Variants in GPLD1 observed in about 807,000 individuals in gnomAD.
The protein encoded by GPLD1 is glycosylphosphatidylinositol specific phospholipase D1.
Under a neutral mutation model 112.6 loss-of-function variants are expected in GPLD1, and 84 were observed. The observed-to-expected ratio is 0.75, with a 90% CI of 0.63 to 0.89. The LOEUF (loss-of-function observed/expected upper bound fraction) is 0.89. Ranked by LOEUF, GPLD1 falls within the 40% of genes least tolerant of loss-of-function variation. The pLI is 0.00. For missense variants in GPLD1, 1,044 were observed against 1,051.5 expected, an observed-to-expected ratio of 0.99 and a Z score of 0.10; for synonymous variants, 386 against 403.8, an observed-to-expected ratio of 0.96 and a Z score of 0.53.
chr6:24,425,301 T>G (rs1244415911), downstream of GPLD1: 4 of 152,222 alleles, frequency 2.6e-5, no homozygotes, highest in East Asian at 5.8e-4. Context: ...TTGATTTGAC[T>G]AAGATCAGGC....
intron 6 of GPLD1, among the ~76,000 whole-genome samples, chr6:24,472,851 C>T (rs1214318069): frequency 6.6e-6 from 1 of 151,734 alleles, no homozygotes; most frequent in Non-Finnish European, 1.5e-5. Context: ...TCTCGGCTCA[C>T]TGAAACCTCC....
chr6:24,467,372 T>C (rs1031134760), intron 7 of GPLD1, 98 bp from the exon 8 acceptor site: 9 of 728,206 alleles, frequency 1.2e-5, no homozygotes, highest in Non-Finnish European at 2.2e-5. Context: ...GATTATTTTG[T>C]GCCAGGCACC....
At position 24,486,067 on chromosome 6, in the gene GPLD1, A is replaced by C. The variant is rs1764364409; in HGVS notation, c.153+8T>G. The C allele has an allele frequency of 6.5e-7, 1 of 1,549,408 alleles. No individual in the cohort carries two copies. On this transcript the variant is annotated splice_region_variant and intron_variant, in intron 2 of 24. Coordinates refer to ENST00000230036, the MANE Select transcript of GPLD1 (RefSeq NM_001503.4). ...CACAAAGAAGAAAAGAAAAATCAAGATTTCTACCTCTCTGTAGTTAACACG... is the reference window on the plus strand; with the variant it reads ...CACAAAGAAGAAAAGAAAAATCAAGCTTTCTACCTCTCTGTAGTTAACACG...
chr6:24,433,934 A>T (rs1436783652), intron 22 of GPLD1, among the ~76,000 whole-genome samples: 11 of 152,230 alleles, frequency 7.2e-5, no homozygotes, highest in Non-Finnish European at 1.6e-4. Context: ...TATTTAAAAC[A>T]ATGAAAATTG....
chr6:24,484,256 G>A (rs1405611325), intron 2 of GPLD1, among the ~76,000 whole-genome samples: 6 of 151,212 alleles, frequency 4.0e-5, no homozygotes, highest in Non-Finnish European at 2.9e-5. Context: ...CTGTCACCTA[G>A]GCTGGAGTGC....
At chr6:24,492,259 C>T (rs558062731), upstream of GPLD1, among the ~76,000 whole-genome samples, 4 of 152,000 alleles carry the variant, frequency 2.6e-5, no homozygotes, top group Admixed American at 6.6e-5. Context: ...AATCCCAGCA[C>T]TTTGGGAGGC....
chr6:24,462,687 G>A (rs764875256), intron 11 of GPLD1, 43 bp downstream of exon 11: 9 of 1,272,882 alleles, frequency 7.1e-6, no homozygotes, highest in Admixed American at 1.7e-5. Context: ...TCTCCTCCAG[G>A]TGAGATGTAC....
chr6:24,460,705 C>T (rs115459827), intron 11 of GPLD1, among the ~76,000 whole-genome samples: 2,332 of 151,328 alleles, frequency 0.015, 31 homozygotes, highest in South Asian at 0.05. Context: ...CAACAGGTAT[C>T]AGCTGGTGGG....
In GPLD1 at chr6:24,468,465, C is replaced by T. The variant is rs114888579; in HGVS notation, c.546-1191G>A. ...TAATTGGAAATTCGGAAGGATGTCT[C>T]ATAGCTACCTATGACCTGGAAGCCT... On this transcript the variant is annotated intron_variant, in intron 7 of 24. Coordinates refer to ENST00000230036, the MANE Select transcript of GPLD1 (RefSeq NM_001503.4). Among the ~76,000 whole-genome samples, 343 of 152,314 alleles carry T rather than the reference C, an allele frequency of 2.3e-3. 4 individuals are homozygous for T. The highest frequency in any genetic ancestry group is 7.1e-3 in the African/African-American group (295 of 41,582).
intron 24 of GPLD1, 61 bp from the exon 25 acceptor site, chr6:24,429,179 T>C: frequency 9.8e-7 from 1 of 1,020,304 alleles, no homozygotes; most frequent in Non-Finnish European, 1.5e-6. Context: ...GTTCCTATGG[T>C]AGTCCAGGCA....
At chr6:24,487,347 C>T (rs1167599853) in intron 1 of GPLD1, among the ~76,000 whole-genome samples, 2 of 145,344 alleles carry the variant, frequency 1.4e-5, no homozygotes, top group African/African-American at 5.3e-5. Context: ...GAGTTTTGGT[C>T]TTCTTCTATG....
chr6:24,464,963 T>G (rs1581765160), intron 10 of GPLD1, among the ~76,000 whole-genome samples: 3 of 147,902 alleles, frequency 2.0e-5, no homozygotes. Context: ...GAGACAGAGG[T>G]GGGTGGATCA....
chr6:24,473,315 A>G, intron 6 of GPLD1: 1 of 214,328 alleles, frequency 4.7e-6, no homozygotes, highest in East Asian at 9.7e-5. Flanking sequence ...AAGTATTAGG[A>G]AAGTAGGAGA....
Position 24,473,609 on chromosome 6 carries a change from T to G in GPLD1, c.490+10A>C. The stretch of plus-strand genomic sequence containing the variant: ...CACGAGAAAATTTAGCAAATGTAAA[T>G]AAACAGTACCAAAATCACCAGCCGA... On this transcript the variant is annotated intron_variant, in intron 6 of 24. Transcript: ENST00000230036. 6.3e-7 allele frequency: 1 copy of G among 1,580,998 alleles called. No individual in the cohort carries two copies. The highest frequency in any genetic ancestry group is 2.2e-5 in the East Asian group (1 of 44,656).
chr6:24,494,909 C>A (rs1764652888), intron 1 of GPLD1: 3 of 1,229,300 alleles, frequency 2.4e-6, no homozygotes, highest in East Asian at 3.2e-5. Flanking sequence ...CCCGGCGCCT[C>A]CTCGCTCCTC....
intron 10 of GPLD1, among the ~76,000 whole-genome samples, chr6:24,463,554 C>G (rs927481271): frequency 1.3e-5 from 2 of 152,198 alleles, no homozygotes; most frequent in African/African-American, 4.8e-5. Flanking sequence ...GGAAAAGGTT[C>G]TCTCTTTGGA....
chr6:24,453,148 G>A (rs57012404), intron 14 of GPLD1, among the ~76,000 whole-genome samples: 9,266 of 152,248 alleles, frequency 0.061, 820 homozygotes, highest in African/African-American at 0.2. Flanking sequence ...GTTTTTTCAG[G>A]TGATGAATAA....
Position 24,447,919 on chromosome 6 carries a change from T to C in GPLD1, c.1636A>G (p.Ile546Val). The C allele has an allele frequency of 1.2e-6, 2 of 1,614,080 alleles. No homozygotes were observed. Among genetic ancestry groups the C allele is most frequent in the Non-Finnish European group, 8.5e-7 (1 of 1,180,026 alleles). ...GGGCCAGAATAAAACGCAGCCACAA[T>C]TCCCTTCTGCTTCCCTCCACCTGGT... ...FAPGGGKQKG[I>V]VAAFYSGPSL... The change falls in exon 17 of 25, where the codon ATT becomes GTT. Residue 546 changes from isoleucine to valine, a missense_variant. By Grantham distance (29) the Ile-to-Val change is conservative. Coordinates refer to ENST00000230036, the MANE Select transcript of GPLD1 (RefSeq NM_001503.4).
chr6:24,451,727 G>A (rs545913513), intron 14 of GPLD1, among the ~76,000 whole-genome samples: 5 of 152,196 alleles, frequency 3.3e-5, no homozygotes, highest in Non-Finnish European at 5.9e-5. Context: ...AAGGACCCAC[G>A]TCCATTATTT....
Sources: allele counts gnomAD v4.1 joint callset (sites outside exome capture counted in the v4.1 genomes callset), GRCh38; gene constraint gnomAD v4.1.1; transcripts MANE v1.5; gene names NCBI Gene and HGNC (gene_info 2026-07-23, HGNC 2026-07-21).